Variants in ANXA8 observed in about 807,000 individuals in gnomAD.
The protein encoded by ANXA8 is annexin A8.
In ANXA8, 9 loss-of-function variants were observed where a neutral mutation model predicts 26.8. The ratio of observed to expected loss-of-function variants is 0.34; its 90% CI spans 0.20 to 0.59. ANXA8 has a LOEUF of 0.59. Ranked by LOEUF, ANXA8 falls within the 20% of genes least tolerant of loss-of-function variation. ANXA8 has a pLI of 0.84. For synonymous variants in ANXA8, 39 were observed against 94.8 expected, an observed-to-expected ratio of 0.41 and a Z score of 3.42; for missense variants, 83 against 238.5, an observed-to-expected ratio of 0.35 and a Z score of 4.29.
At chr10:47,701,738 G>A in the ANXA8 span, among the ~76,000 whole-genome samples, 3 of 151,816 alleles carry the variant, frequency 2.0e-5, no homozygotes, top group Admixed American at 6.6e-5. Context: ...CAGGGGGCAC[G>A]TAGGAGAGGG....
At chr10:47,733,228 T>TC in the ANXA8 span, among the ~76,000 whole-genome samples, 62 of 88,436 alleles carry the variant, frequency 7.0e-4, 2 homozygotes, top group African/African-American at 2.2e-3. Context: ...TTTCTCTTTC[T>TC]TTCTCTCTTT....
At chr10:47,702,328 ATTTTCTTTTC>A in the ANXA8 span, among the ~76,000 whole-genome samples, 2 of 146,996 alleles carry the variant, frequency 1.4e-5, no homozygotes, top group Non-Finnish European at 3.0e-5. Context: ...GTCTGTAAAC[ATTTTCTTTTC>A]TTTTCTTTTT....
At chr10:47,615,249 C>T in the ANXA8 span, among the ~76,000 whole-genome samples, 1 of 73,926 alleles carries the variant, frequency 1.4e-5, no homozygotes, top group Non-Finnish European at 3.5e-5. Context: ...GCTACAATTC[C>T]TCAGCATTCC....
chr10:47,632,128 C>A, the ANXA8 span, among the ~76,000 whole-genome samples: 6 of 152,154 alleles, frequency 3.9e-5, no homozygotes, highest in Non-Finnish European at 5.9e-5. Context: ...AATTTACATC[C>A]GGGTTAAATT....
chr10:47,674,099 T>G, the ANXA8 span, among the ~76,000 whole-genome samples: 1 of 151,396 alleles, frequency 6.6e-6, no homozygotes, highest in Non-Finnish European at 1.5e-5. Context: ...AGGTTTTGTA[T>G]TTTTGGGACG....
the ANXA8 span, among the ~76,000 whole-genome samples, chr10:47,520,876 T>G: frequency 7.6e-6 from 1 of 130,968 alleles, no homozygotes; most frequent in South Asian, 2.3e-4. Context: ...AAGAGGTAAA[T>G]TTTGGCTTTG....
At chr10:47,505,518 GA>G in the ANXA8 span, among the ~76,000 whole-genome samples, 1 of 138,168 alleles carries the variant, frequency 7.2e-6, no homozygotes, top group Non-Finnish European at 1.6e-5. Flanking sequence ...AAGAATCCGT[GA>G]TTTAACTGTG....
At chr10:47,944,725 C>G in the ANXA8 span, among the ~76,000 whole-genome samples, 1 of 150,574 alleles carries the variant, frequency 6.6e-6, no homozygotes, top group African/African-American at 2.5e-5. Flanking sequence ...CATTCACCTT[C>G]CACCATGATT....
At chr10:47,955,033 C>T in the ANXA8 span, among the ~76,000 whole-genome samples, 7 of 147,100 alleles carry the variant, frequency 4.8e-5, 1 homozygote, top group East Asian at 6.4e-4. Flanking sequence ...CTTGAATTCC[C>T]ATGTGTTGTG....
upstream of ANXA8, chr10:47,484,134 C>A (rs2132440304): frequency 7.6e-7 from 1 of 1,309,256 alleles, no homozygotes; most frequent in East Asian, 2.5e-5. Context: ...TTGGGCATCT[C>A]CTGTGGCTCC....
the ANXA8 span, chr10:47,538,398 AT>A: frequency 8.7e-6 from 1 of 115,384 alleles, no homozygotes; most frequent in Non-Finnish European, 1.8e-5. Flanking sequence ...CTGAGAAGAT[AT>A]AATCATCAAC....
chr10:47,648,455 C>A, the ANXA8 span, among the ~76,000 whole-genome samples: 3 of 149,922 alleles, frequency 2.0e-5, no homozygotes, highest in Non-Finnish European at 4.4e-5. Context: ...TCTTCTGTAG[C>A]AGCATTTCAA....
the ANXA8 span, among the ~76,000 whole-genome samples, chr10:47,576,932 T>C: frequency 1.4e-5 from 2 of 148,046 alleles, no homozygotes; most frequent in Non-Finnish European, 3.0e-5. Flanking sequence ...CTCAAAGAGA[T>C]CCACACTGAC....
the ANXA8 span, among the ~76,000 whole-genome samples, chr10:47,628,283 T>G: frequency 1.3e-5 from 2 of 152,124 alleles, no homozygotes; most frequent in African/African-American, 4.8e-5. Context: ...ATCATATACG[T>G]ACCTTTTTTG....
the ANXA8 span, among the ~76,000 whole-genome samples, chr10:47,968,116 T>C: frequency 1.3e-5 from 2 of 150,806 alleles, no homozygotes; most frequent in Admixed American, 1.3e-4. Flanking sequence ...GTCTAAAACA[T>C]GTCTTCTTTG....
At chr10:47,674,219 A>G in the ANXA8 span, among the ~76,000 whole-genome samples, 11 of 149,836 alleles carry the variant, frequency 7.3e-5, no homozygotes, top group African/African-American at 2.7e-4. Flanking sequence ...GCAGCCTTGA[A>G]CTCCTGGGCT....
chr10:47,984,869 T>C, the ANXA8 span, among the ~76,000 whole-genome samples: 1 of 132,948 alleles, frequency 7.5e-6, no homozygotes, highest in Middle Eastern at 3.3e-3. Context: ...AGTTTCTGGC[T>C]ATGATAGGAA....
At chr10:47,940,733 G>A in the ANXA8 span, among the ~76,000 whole-genome samples, 1 of 146,268 alleles carries the variant, frequency 6.8e-6, no homozygotes, top group Non-Finnish European at 1.5e-5. Flanking sequence ...GGAAGCTGAG[G>A]CAGAGAAATG....
At chr10:47,623,379 T>C in the ANXA8 span, among the ~76,000 whole-genome samples, 4 of 112,624 alleles carry the variant, frequency 3.6e-5, 1 homozygote, top group Non-Finnish European at 7.8e-5. Context: ...TAAAAAAATA[T>C]ATCATCACTT....
Sources: allele counts gnomAD v4.1 joint callset (sites outside exome capture counted in the v4.1 genomes callset), GRCh38; gene constraint gnomAD v4.1.1; transcripts MANE v1.5; gene names NCBI Gene and HGNC (gene_info 2026-07-23, HGNC 2026-07-21).